AVIL: variants seen among roughly 807,000 people sequenced by gnomAD.
AVIL encodes advillin.
Under a neutral mutation model 109.9 loss-of-function variants are expected in AVIL, and 78 were observed. The ratio of observed to expected loss-of-function variants is 0.71; its 90% CI spans 0.59 to 0.86. AVIL has a LOEUF of 0.86. Among genes scored for constraint, AVIL ranks in the 40% least tolerant of loss-of-function variants. The pLI is 0.00. For synonymous variants in AVIL, 367 were observed against 379.1 expected, an observed-to-expected ratio of 0.97 and a Z score of 0.37; for missense variants, 892 against 1,016.5, an observed-to-expected ratio of 0.88 and a Z score of 1.67.
chr12:57,805,058 C>T (rs555101743), intron 14 of AVIL, among the ~76,000 whole-genome samples: 3 of 151,994 alleles, frequency 2.0e-5, no homozygotes, highest in African/African-American at 7.2e-5. Flanking sequence ...AATTTTAGTG[C>T]ATTTTATTTT....
At chr12:57,810,649 C>G (rs1047240360) in intron 6 of AVIL, 98 bp from the exon 7 acceptor site, 1 of 1,316,134 alleles carries the variant, frequency 7.6e-7, no homozygotes, top group African/African-American at 1.4e-5. Flanking sequence ...ACAGGAGTTA[C>G]TTGGATGCTG....
chr12:57,803,229 T>A lies in AVIL; in HGVS notation c.1962+18A>T, dbSNP rs755758111. 1.2e-6 allele frequency: 2 copies of A among 1,613,824 alleles called. No individual in the cohort carries two copies. The highest frequency in any genetic ancestry group is 1.7e-6 in the Non-Finnish European group (2 of 1,179,864). On this transcript the variant is annotated intron_variant, in intron 16 of 19. Transcript: ENST00000549994. ...TGGGAGTCTTTCTCATGTTCTGACT[T>A]CTGCAGCTGTGTCTTACCTGGTCCC...
chr12:57,813,490 A>C, intron 3 of AVIL, 67 bp from the exon 4 acceptor site: 2 of 1,473,668 alleles, frequency 1.4e-6, no homozygotes, highest in Non-Finnish European at 1.9e-6. Context: ...GGCCCCTGTT[A>C]TGGGGAGAAT....
In AVIL at chr12:57,806,635, T is replaced by C. The variant is rs1334239305; in HGVS notation, c.1492-96A>G. ...GGGAAACGTGAATGTTATAGTATTA[T>C]GTTTGCCCTTGAGGAGCTTCTAGAC... is the stretch of plus-strand genomic sequence containing the variant. On this transcript the variant is annotated intron_variant, in intron 13 of 19. Coordinates refer to ENST00000549994, the MANE Select transcript of AVIL (RefSeq NM_006576.4). The C allele has an allele frequency of 6.4e-6, 9 of 1,409,768 alleles. No individual in the cohort carries two copies. The South Asian group carries it at 7.9e-5, about 12-fold the overall frequency. The allele number at this position is 1,409,768 out of a possible 1,614,324, so 87.3% of individuals were successfully genotyped here.
At chr12:57,802,072 C>CCACG (rs1267368833) in intron 17 of AVIL, 88 bp downstream of exon 17, 4 of 1,438,078 alleles carry the variant, frequency 2.8e-6, no homozygotes, top group Non-Finnish European at 3.8e-6. Flanking sequence ...TTTCACTGAG[C>CCACG]CGTGAATCAG....
intron 9 of AVIL, chr12:57,808,935 T>C (rs1281083455): frequency 1.4e-5 from 3 of 207,518 alleles, no homozygotes; most frequent in African/African-American, 2.4e-5. Flanking sequence ...AACCTTGATA[T>C]GTGATATCCC....
Position 57,802,226 on chromosome 12 carries a change from A to G in AVIL, c.2085T>C (p.Ile695=). ...GRDPDTPILI[I]KQGFEPPIFT... is the part of the protein sequence containing the mutation. ...AGATGGGAGGCTCAAACCCCTGCTT[A>G]ATGATCAGGATTGGTGTGTCGGGAT... is the stretch of plus-strand genomic sequence containing the variant. The change falls in exon 17 of 20, where the codon ATT becomes ATC. Residue 695 remains isoleucine (I), a synonymous_variant. Transcript: ENST00000549994. 1 of 1,614,130 alleles carries G rather than the reference A, an allele frequency of 6.2e-7. No individual in the cohort carries two copies. The highest frequency in any genetic ancestry group is 8.5e-7 in the Non-Finnish European group (1 of 1,179,978).
intron 16 of AVIL, 46 bp from the exon 17 acceptor site, chr12:57,802,394 G>C (rs759514835): frequency 6.4e-7 from 1 of 1,550,638 alleles, no homozygotes; most frequent in South Asian, 1.2e-5. Context: ...TCATACCAAG[G>C]ACTAAGTACT....
chr12:57,804,130 G>A (rs1955904498), intron 14 of AVIL: 1 of 154,712 alleles, frequency 6.5e-6, no homozygotes, highest in Admixed American at 6.4e-5. Context: ...CCCCTTTGGA[G>A]TCAAAGCCTC....
Position 57,813,211 on chromosome 12 carries a change from G to A in AVIL, c.338+16C>T, listed in dbSNP as rs764582515. On this transcript the variant is annotated intron_variant, in intron 4 of 19. Transcript: ENST00000549994. ...AAACTGCTGTTTCTGTCCTTGCTCT[G>A]TGCACCCCTACTCACATGATGCCCT... 6.2e-6 allele frequency: 10 copies of A among 1,600,576 alleles called. No homozygotes were observed. The highest frequency in any genetic ancestry group is 3.3e-5 in the South Asian group (3 of 90,634).
chr12:57,801,112 G>T, intron 18 of AVIL, 32 bp downstream of exon 18: 1 of 1,597,468 alleles, frequency 6.3e-7, no homozygotes. Flanking sequence ...TGCCCATGTG[G>T]CTGGCTTCTC....
intron 4 of AVIL, 149 bp downstream of exon 4, chr12:57,813,078 G>A (rs1956057143): frequency 2.0e-6 from 2 of 1,020,316 alleles, no homozygotes; most frequent in East Asian, 5.3e-5. Flanking sequence ...CCTCCCAGCT[G>A]TTTAATCTGC....
intron 4 of AVIL, among the ~76,000 whole-genome samples, chr12:57,812,913 T>C (rs1482870019): frequency 6.6e-6 from 1 of 152,210 alleles, no homozygotes. Context: ...TGTGCCCTTA[T>C]GGACCTGGAT....
At chr12:57,817,570 A>G (rs1956113581) in intron 1 of AVIL, among the ~76,000 whole-genome samples, 1 of 152,086 alleles carries the variant, frequency 6.6e-6, no homozygotes, top group Non-Finnish European at 1.5e-5. Flanking sequence ...CGTAGCAGTC[A>G]TTAAAGGCAA....
At chr12:57,813,047 T>C (rs1307029245) in intron 4 of AVIL, among the ~76,000 whole-genome samples, 180 bp downstream of exon 4, 1 of 152,226 alleles carries the variant, frequency 6.6e-6, no homozygotes, top group African/African-American at 2.4e-5. Context: ...TATTTCCCCA[T>C]AGCCTTGCCA....
chr12:57,814,047 C>T (rs1000903425), intron 3 of AVIL, 105 bp downstream of exon 3: 57 of 1,214,890 alleles, frequency 4.7e-5, no homozygotes, highest in South Asian at 2.0e-4. Flanking sequence ...CCATTGAGAC[C>T]GATACCAGGG....
chr12:57,802,073 C>T lies in AVIL; in HGVS notation c.2151+87G>A, dbSNP rs142678028. 1,052 of 1,442,378 alleles carry T rather than the reference C, an allele frequency of 7.3e-4. 1 individual carries two copies. Among genetic ancestry groups the T allele is most frequent in the Non-Finnish European group, 9.1e-4 (960 of 1,052,426 alleles). The allele number at this position is 1,442,378 out of a possible 1,614,324, so 89.3% of individuals were successfully genotyped here. A position where few individuals can be genotyped will look rare whatever the true frequency, so the allele number is the denominator to read the frequency against. ...AAATGAGGTCCTGGTTTCACTGAGC[C>T]GTGAATCAGTACTCCACCTTCCTGC... On this transcript the variant is annotated intron_variant, in intron 17 of 19. Coordinates refer to ENST00000549994, the MANE Select transcript of AVIL (RefSeq NM_006576.4).
intron 19 of AVIL, among the ~76,000 whole-genome samples, chr12:57,798,692 C>T (rs1212900784): frequency 6.6e-6 from 1 of 151,598 alleles, no homozygotes; most frequent in Non-Finnish European, 1.5e-5. Context: ...TCTCGGCTCA[C>T]TGCAACCTCT....
At chr12:57,817,874 C>T (rs1956116491) in intron 1 of AVIL, among the ~76,000 whole-genome samples, 1 of 152,222 alleles carries the variant, frequency 6.6e-6, no homozygotes. Flanking sequence ...CTCCTTCTCC[C>T]TAAATCCTAA....
Sources: allele counts gnomAD v4.1 joint callset (sites outside exome capture counted in the v4.1 genomes callset), GRCh38; gene constraint gnomAD v4.1.1; transcripts MANE v1.5; gene names NCBI Gene and HGNC (gene_info 2026-07-23, HGNC 2026-07-21).